Variants in FHIP1A observed in about 807,000 individuals in gnomAD.
The protein encoded by FHIP1A is FHF complex subunit HOOK interacting protein 1A.
In FHIP1A, 61 loss-of-function variants were observed where a neutral mutation model predicts 88.6. The observed-to-expected ratio is 0.69, with a 90% CI of 0.56 to 0.85. The LOEUF is 0.85. FHIP1A is among the 40% of genes least tolerant of loss of function. The pLI is 0.00. For missense variants in FHIP1A, 1,154 were observed against 1,273.5 expected (o/e 0.91, Z 1.43); for synonymous variants, 478 against 496.0 (o/e 0.96, Z 0.48).
chr4:151,409,859 C>T (rs1732539419), intron 1 of FHIP1A, among the ~76,000 whole-genome samples: 1 of 152,112 alleles, frequency 6.6e-6, no homozygotes, highest in Admixed American at 6.5e-5. Flanking sequence ...TTCAGGTTTC[C>T]CCTGTAAATC....
intron 7 of FHIP1A, 38 bp downstream of exon 7, chr4:151,588,964 T>C: frequency 3.0e-6 from 4 of 1,318,642 alleles, no homozygotes; most frequent in Non-Finnish European, 4.3e-6. Context: ...GTCTCTATAA[T>C]ACAAGTGATG....
At chr4:151,559,535 C>G (rs1249842811) in intron 3 of FHIP1A, among the ~76,000 whole-genome samples, 2 of 152,152 alleles carry the variant, frequency 1.3e-5, no homozygotes, top group Admixed American at 6.5e-5. Flanking sequence ...TTACACAAAT[C>G]GTGGCATACT....
At chr4:151,533,955 G>T (rs542910271) in intron 3 of FHIP1A, among the ~76,000 whole-genome samples, 1 of 152,270 alleles carries the variant, frequency 6.6e-6, no homozygotes, top group South Asian at 2.1e-4. Context: ...TTTGCTTTTA[G>T]CCTGCAACTT....
chr4:151,539,020 C>T (rs1580683528), intron 3 of FHIP1A, among the ~76,000 whole-genome samples: 1 of 152,198 alleles, frequency 6.6e-6, no homozygotes, highest in East Asian at 1.9e-4. Flanking sequence ...TTCTACCAGC[C>T]GTTCTATTAG....
Position 151,629,870 on chromosome 4 carries a change from G to A in FHIP1A, c.1146+1G>A. 6.4e-7 allele frequency: 1 copy of A among 1,550,398 alleles called. No individual in the cohort carries two copies. The highest frequency in any genetic ancestry group is 2.0e-5 in the Admixed American group (1 of 50,946). ...GAGTCGAATCAACACCCCGTTTCGG[G>A]TAAGGAGAGCGCCAGAGGAAGGGAA... On this transcript the variant is annotated splice_donor_variant, in intron 8 of 13. Coordinates refer to ENST00000435205, the MANE Select transcript of FHIP1A (RefSeq NM_001109977.3). LOFTEE classifies it high-confidence loss of function.
chr4:151,485,320 A>G (rs1171495405), intron 3 of FHIP1A, among the ~76,000 whole-genome samples: 1 of 129,896 alleles, frequency 7.7e-6, no homozygotes, highest in East Asian at 2.2e-4. Context: ...CTAATTGACC[A>G]GAATGGCTTA....
chr4:151,504,562 T>TTTATGTTATGTTATGTTATGTTATG (rs59935750), intron 3 of FHIP1A, among the ~76,000 whole-genome samples: 23 of 145,124 alleles, frequency 1.6e-4, no homozygotes, highest in African/African-American at 5.4e-4. Flanking sequence ...GGGAAAAAAT[T>TTTATGTTATGTTATGTTATGTTATG]TTATGTTATG....
intron 13 of FHIP1A, among the ~76,000 whole-genome samples, chr4:151,658,500 T>C (rs896381901): frequency 6.6e-6 from 1 of 152,158 alleles, no homozygotes; most frequent in African/African-American, 2.4e-5. Context: ...CCCAGGCTGG[T>C]CCATGTCACA....
At chr4:151,645,000 G>T (rs1369415045) in intron 9 of FHIP1A, among the ~76,000 whole-genome samples, 1 of 152,164 alleles carries the variant, frequency 6.6e-6, no homozygotes, top group Admixed American at 6.5e-5. Context: ...TTTATTTTCT[G>T]CCTGCAGCAT....
At chr4:151,554,094 C>T (rs559288102) in intron 3 of FHIP1A, among the ~76,000 whole-genome samples, 4 of 152,174 alleles carry the variant, frequency 2.6e-5, no homozygotes, top group Non-Finnish European at 5.9e-5. Flanking sequence ...TTTCTTCTTA[C>T]TACCCATGTG....
At position 151,649,401 on chromosome 4, in the gene FHIP1A, T is replaced by C. The variant is rs535625490; in HGVS notation, c.1418-58T>C. 40 of 1,302,916 alleles carry C rather than the reference T, an allele frequency of 3.1e-5. No individual in the cohort carries two copies. In the East Asian group the frequency reaches 9.4e-4, roughly 30 times the overall value. The allele number at this position is 1,302,916 out of a possible 1,614,324, so 80.7% of individuals were successfully genotyped here. A position where few individuals can be genotyped will look rare whatever the true frequency, so the allele number is the denominator to read the frequency against. On this transcript the variant is annotated intron_variant, in intron 10 of 13. Transcript: ENST00000435205. Reference sequence around the variant, plus strand: ...TTAGCCCGAATGGGTCACAACCCCATCCACTACCTTTGTCCCCACACCTCC... The same window carrying C: ...TTAGCCCGAATGGGTCACAACCCCACCCACTACCTTTGTCCCCACACCTCC...
intron 2 of FHIP1A, among the ~76,000 whole-genome samples, chr4:151,475,521 G>T (rs977511983): frequency 1.3e-5 from 2 of 152,082 alleles, no homozygotes; most frequent in Non-Finnish European, 2.9e-5. Flanking sequence ...GGGGATGGAG[G>T]CTCCGGGGAA....
chr4:151,495,278 A>G (rs1451101989), intron 3 of FHIP1A, among the ~76,000 whole-genome samples: 1 of 152,100 alleles, frequency 6.6e-6, no homozygotes, highest in African/African-American at 2.4e-5. Context: ...CAAGGCGGGC[A>G]GTTCATCTGA....
At chr4:151,616,515 C>T (rs1326060542) in intron 7 of FHIP1A, among the ~76,000 whole-genome samples, 3 of 130,510 alleles carry the variant, frequency 2.3e-5, no homozygotes, top group Non-Finnish European at 4.6e-5. Context: ...GTGGTGCGAT[C>T]TCGGCTCACT....
intron 8 of FHIP1A, among the ~76,000 whole-genome samples, chr4:151,636,515 A>G (rs140854011): frequency 4.0e-3 from 616 of 152,164 alleles, no homozygotes; most frequent in Non-Finnish European, 6.5e-3. Context: ...TAAGGAATGC[A>G]CTAAAATTGT....
At chr4:151,560,773 C>T (rs907726046) in intron 3 of FHIP1A, among the ~76,000 whole-genome samples, 3 of 152,110 alleles carry the variant, frequency 2.0e-5, no homozygotes, top group Non-Finnish European at 2.9e-5. Flanking sequence ...TGTTCAATCG[C>T]CAAGGAGCTG....
chr4:151,450,808 C>T (rs1027947588), intron 1 of FHIP1A, among the ~76,000 whole-genome samples: 5 of 151,442 alleles, frequency 3.3e-5, no homozygotes, highest in African/African-American at 4.9e-5. Flanking sequence ...GACAGAGTTT[C>T]GCTCTGTCCC....
intron 1 of FHIP1A, among the ~76,000 whole-genome samples, chr4:151,414,843 G>A (rs1392682451): frequency 6.6e-6 from 1 of 151,964 alleles, no homozygotes; most frequent in Non-Finnish European, 1.5e-5. Context: ...TTAAATGAGA[G>A]TTAATTTTCT....
chr4:151,520,749 G>A lies in FHIP1A; in HGVS notation c.-123+38101G>A, dbSNP rs748706810. On this transcript the variant is annotated intron_variant, in intron 3 of 13. Transcript: ENST00000435205. ...TGTGACCAGCAGCCATGAAGTCCTC[G>A]TCAGCTGGCAGAGGAAAATTCACTT... Among the ~76,000 whole-genome samples the A allele has an allele frequency of 5.9e-5, 9 of 152,092 alleles. No homozygotes were observed. In the East Asian group the frequency reaches 9.6e-4, roughly 16 times the overall value.
Sources: gnomAD v4.1 joint callset for allele counts (sites outside exome capture counted in the v4.1 genomes callset) on GRCh38, gnomAD v4.1.1 for gene constraint, MANE v1.5 for transcripts, NCBI Gene and HGNC (gene_info 2026-07-23, HGNC 2026-07-21) for gene names.